OPHN1: variants seen among roughly 807,000 people sequenced by gnomAD.
The protein encoded by OPHN1 is oligophrenin-1.
OPHN1 carries 11 observed loss-of-function variants against 60.7 expected under a neutral mutation model. The observed-to-expected ratio is 0.18, with a 90% CI of 0.11 to 0.30. The LOEUF (loss-of-function observed/expected upper bound fraction) is 0.30. Among genes scored for constraint, OPHN1 ranks in the 10% least tolerant of loss-of-function variants. The pLI is 1.00. For synonymous variants in OPHN1, 226 were observed against 222.6 expected (o/e 1.02, Z -0.14); for missense variants, 449 against 611.0 (o/e 0.73, Z 2.80).
At chrX:68,377,916 C>A (rs2078569737) in intron 2 of OPHN1, among the ~76,000 whole-genome samples, 1 of 111,737 alleles carries the variant, frequency 8.9e-6, no homozygotes, top group African/African-American at 3.3e-5. Context: ...TTTATAGCAG[C>A]ATGATTTATA....
chrX:68,071,788 G>A (rs184835482), intron 20 of OPHN1: 5 of 428,465 alleles, frequency 1.2e-5, no homozygotes, highest in Non-Finnish European at 1.2e-5. Flanking sequence ...GAGAGAGGTC[G>A]ATGATTCAGA....
intron 2 of OPHN1, among the ~76,000 whole-genome samples, chrX:68,375,959 C>T (rs2078554699): frequency 9.0e-6 from 1 of 111,138 alleles, no homozygotes; most frequent in Admixed American, 9.7e-5. Context: ...GTTTGCAATA[C>T]TTTGCAATAT....
chrX:68,125,294 G>A (rs2077165432), intron 15 of OPHN1, among the ~76,000 whole-genome samples: 1 of 111,294 alleles, frequency 9.0e-6, no homozygotes, highest in Non-Finnish European at 1.9e-5. Context: ...AGAAAAGCAA[G>A]AGCAAACCAA....
intron 2 of OPHN1, among the ~76,000 whole-genome samples, chrX:68,421,517 A>T (rs767131701): frequency 4.6e-4 from 51 of 111,477 alleles, no homozygotes; most frequent in Non-Finnish European, 9.0e-4. Flanking sequence ...AAAACACCTC[A>T]ATGCCTTATT....
chrX:68,290,895 C>T (rs765927291), intron 3 of OPHN1, among the ~76,000 whole-genome samples: 6 of 111,637 alleles, frequency 5.4e-5, no homozygotes, highest in African/African-American at 1.6e-4. Context: ...ATAGTGTACA[C>T]AAAGCAGTAG....
chrX:68,048,369 G>A, intron 24 of OPHN1, 47 bp downstream of exon 24: 1 of 1,107,377 alleles, frequency 9.0e-7, no homozygotes, highest in South Asian at 1.8e-5. Flanking sequence ...CCGTAATGAA[G>A]GCTTATGTGG....
chrX:68,280,589 C>A (rs1455430160), intron 4 of OPHN1, among the ~76,000 whole-genome samples: 1 of 111,646 alleles, frequency 9.0e-6, no homozygotes, highest in Non-Finnish European at 1.9e-5. Context: ...GAATAAATAG[C>A]TTTAACAAAA....
intron 15 of OPHN1, among the ~76,000 whole-genome samples, chrX:68,128,237 T>C (rs894184760): frequency 4.5e-5 from 5 of 110,156 alleles, no homozygotes; most frequent in Admixed American, 9.8e-5. Context: ...TTAATTTTTG[T>C]AGAGATGGGG....
intron 5 of OPHN1, among the ~76,000 whole-genome samples, chrX:68,258,336 T>C (rs2077874986): frequency 9.5e-6 from 1 of 105,071 alleles, no homozygotes; most frequent in African/African-American, 3.6e-5. Context: ...GCCATGTTGG[T>C]GTGCTGCACC....
chrX:68,201,638 C>T lies in OPHN1; in HGVS notation c.1006G>A (p.Asp336Asn), dbSNP rs1160936926. ...TESIDKRFCF[D>N]IETNERPGTI... is the part of the protein sequence containing the mutation. ...GCTTACCTTTCATTAGTTTCTATGT[C>T]AAAACAGAACCTCTTGTCGATAGAC... Residue 336 changes from aspartate (D) to asparagine (N), a missense_variant, in exon 11 of 25, where the codon GAC (aspartate) becomes AAC (asparagine). Asp to Asn is a conservative substitution (Grantham distance 23). This residue lies in a region of OPHN1 where 166 missense variants were observed against 278.4 expected (regional missense o/e 0.60). Transcript: ENST00000355520. 1 of 1,210,277 alleles carries T rather than the reference C, an allele frequency of 8.3e-7. No homozygotes were observed. The highest frequency in any genetic ancestry group is 3.0e-5 in the East Asian group (1 of 33,841).
At position 68,222,016 on chromosome X, in the gene OPHN1, C is replaced by T. The variant is rs1320885810; in HGVS notation, c.487-8044G>A. Among the ~76,000 whole-genome samples the T allele has an allele frequency of 6.5e-5, 7 of 107,937 alleles. No homozygotes were observed. In the East Asian group the frequency reaches 8.8e-4, roughly 13 times the overall value. The allele number at this position is 107,937 out of a possible 115,157, so 93.7% of individuals were successfully genotyped here. A position where few individuals can be genotyped will look rare whatever the true frequency, so the allele number is the denominator to read the frequency against. On this transcript the variant is annotated intron_variant, in intron 6 of 24. Transcript: ENST00000355520. ...AACCTACAAAATGGGAGAAAATTTT[C>T]GCAACCTACTCATCTGACAAAGGGC...
intron 2 of OPHN1, among the ~76,000 whole-genome samples, chrX:68,396,086 G>A (rs1239215680): frequency 9.1e-6 from 1 of 109,450 alleles, no homozygotes; most frequent in Non-Finnish European, 1.9e-5. Flanking sequence ...GGACCCTCAA[G>A]CATTCCTTCC....
chrX:68,361,015 C>T (rs772750310), intron 2 of OPHN1: 28 of 111,430 alleles, frequency 2.5e-4, no homozygotes, highest in African/African-American at 9.1e-4. Context: ...ATAGATTTGG[C>T]TCTTTCTAAA....
chrX:68,133,182 GTCAACCTCACTCC>G, intron 15 of OPHN1: 1 of 774,099 alleles, frequency 1.3e-6, no homozygotes, highest in Non-Finnish European at 2.0e-6. Flanking sequence ...GCTTCAGAAA[GTCAACCTCACTCC>G]TCAGCACTCA....
intron 3 of OPHN1, among the ~76,000 whole-genome samples, chrX:68,295,937 T>C (rs1316711286): frequency 8.9e-6 from 1 of 111,958 alleles, no homozygotes; most frequent in African/African-American, 3.2e-5. Context: ...AAGTGTGCTT[T>C]AAGCAATTTT....
chrX:68,283,276 C>T (rs1209133816), intron 3 of OPHN1, among the ~76,000 whole-genome samples, 159 bp from the exon 4 acceptor site: 1 of 112,146 alleles, frequency 8.9e-6, no homozygotes, highest in Admixed American at 9.4e-5. Flanking sequence ...TGTTCAGCAC[C>T]TGTTGAATGT....
At chrX:68,205,009 T>G (rs1358207387) in intron 10 of OPHN1, among the ~76,000 whole-genome samples, 1 of 111,939 alleles carries the variant, frequency 8.9e-6, no homozygotes, top group Non-Finnish European at 1.9e-5. Context: ...CACTTCCTAG[T>G]CAGATTAATC....
intron 2 of OPHN1, among the ~76,000 whole-genome samples, chrX:68,327,559 T>C (rs2078269211): frequency 2.2e-5 from 1 of 44,549 alleles, no homozygotes; most frequent in Admixed American, 2.9e-4. Context: ...ATGTGCTTTG[T>C]TGAACAGATG....
chrX:68,185,369 G>A (rs2077457732), intron 15 of OPHN1, among the ~76,000 whole-genome samples: 1 of 111,667 alleles, frequency 9.0e-6, no homozygotes, highest in Non-Finnish European at 1.9e-5. Flanking sequence ...TATTTCCTAC[G>A]TGTCATCCAC....
Sources: allele counts gnomAD v4.1 joint callset (sites outside exome capture counted in the v4.1 genomes callset), GRCh38; gene constraint gnomAD v4.1.1; regional missense constraint gnomAD v4.1.1; transcripts MANE v1.5; gene names NCBI Gene and HGNC (gene_info 2026-07-23, HGNC 2026-07-21).